Variants in KIAA1217 observed in about 807,000 individuals in gnomAD.
KIAA1217 encodes sickle tail protein homolog.
In KIAA1217, 88 loss-of-function variants were observed where a neutral mutation model predicts 163.9. The observed-to-expected ratio is 0.54, with a 90% CI of 0.45 to 0.64. The LOEUF is 0.64. Among genes scored for constraint, KIAA1217 ranks in the 30% least tolerant of loss-of-function variants. The pLI is 0.00. For missense variants in KIAA1217, 2,372 were observed against 2,475.0 expected (o/e 0.96, Z 0.88); for synonymous variants, 903 against 923.1 (o/e 0.98, Z 0.39).
chr10:24,455,097 A>G (rs1327114608), intron 5 of KIAA1217, among the ~76,000 whole-genome samples: 1 of 152,184 alleles, frequency 6.6e-6, no homozygotes, highest in South Asian at 2.1e-4. Flanking sequence ...AGACTGAAAT[A>G]TGTTGTTTTA....
rs868362178 is a variant in KIAA1217 at position 24,164,282 on chromosome 10, T to G, written c.-170-55344T>G. On this transcript the variant is annotated intron_variant, in intron 2 of 18. Coordinates refer to the KIAA1217 transcript ENST00000376462. ...GTACTTGCCCTGCCTGGGAATCACT[T>G]AGGTTCACTTCAAGGATCACATTTT... 3.9e-5 allele frequency among the ~76,000 whole-genome samples: 6 copies of G among 152,336 alleles called. No homozygotes were observed. The South Asian group carries it at 1.0e-3, about 26-fold the overall frequency.
intron 2 of KIAA1217, among the ~76,000 whole-genome samples, chr10:24,181,768 T>C (rs1379018935): frequency 6.6e-6 from 1 of 152,198 alleles, no homozygotes; most frequent in Non-Finnish European, 1.5e-5. Flanking sequence ...TAGTCATTAA[T>C]TCCTTTTTGG....
intron 2 of KIAA1217, among the ~76,000 whole-genome samples, chr10:24,220,676 G>A (rs546884669): frequency 3.3e-5 from 5 of 149,912 alleles, no homozygotes; most frequent in African/African-American, 1.2e-4. Context: ...GGATGGTCTC[G>A]ATCTCCTGAT....
intron 3 of KIAA1217, among the ~76,000 whole-genome samples, chr10:24,391,819 G>A (rs2055030633): frequency 6.6e-6 from 1 of 152,148 alleles, no homozygotes; most frequent in Non-Finnish European, 1.5e-5. Context: ...ATCAGTCTTG[G>A]CGTTAAGTTA....
intron 2 of KIAA1217, among the ~76,000 whole-genome samples, chr10:24,065,710 T>A (rs983065607): frequency 6.6e-6 from 1 of 152,188 alleles, no homozygotes; most frequent in Admixed American, 6.5e-5. Context: ...TAACTTTCTG[T>A]CTCATTGATC....
At position 24,225,040 on chromosome 10, in the gene KIAA1217, T is replaced by A. The variant is rs772708541; in HGVS notation, c.354+5131T>A. 3.3e-5 allele frequency among the ~76,000 whole-genome samples: 5 copies of A among 152,240 alleles called. No homozygotes were observed. In the South Asian group the frequency reaches 8.3e-4, roughly 25 times the overall value. ...ACGGGGTTCACTGTGTTAGCCAGGA[T>A]GGTCTCGATCTCCTGACATTGTGAT... is the stretch of plus-strand genomic sequence containing the variant. On this transcript the variant is annotated intron_variant, in intron 2 of 20. Transcript: ENST00000376454.
intron 1 of KIAA1217, among the ~76,000 whole-genome samples, chr10:23,982,336 AG>A (rs1336421055): frequency 6.6e-6 from 1 of 152,126 alleles, no homozygotes; most frequent in East Asian, 1.9e-4. Context: ...ACTCTAGTCT[AG>A]GGCTCTTCAC....
chr10:23,805,996 CAAAAAAAAAAAAA>C (rs71397917), intron 1 of KIAA1217, among the ~76,000 whole-genome samples: 3 of 30,512 alleles, frequency 9.8e-5, no homozygotes, highest in Non-Finnish European at 1.7e-4. Flanking sequence ...AACTCCATCT[CAAAAAAAAAAAAA>C]AAAAAAAAAA....
At chr10:24,235,774 G>A (rs564892959) in intron 2 of KIAA1217, among the ~76,000 whole-genome samples, 102 of 152,184 alleles carry the variant, frequency 6.7e-4, no homozygotes, top group Admixed American at 1.3e-3. Flanking sequence ...CTCCAGTACC[G>A]TCTGTTAACT....
chr10:24,040,430 A>G (rs893985201), intron 2 of KIAA1217, among the ~76,000 whole-genome samples: 9 of 152,248 alleles, frequency 5.9e-5, no homozygotes, highest in African/African-American at 2.2e-4. Flanking sequence ...GGAACTGAAG[A>G]CACCTGAAGA....
At chr10:23,823,687 A>C (rs1837732279) in intron 1 of KIAA1217, among the ~76,000 whole-genome samples, 1 of 151,740 alleles carries the variant, frequency 6.6e-6, no homozygotes. Flanking sequence ...AAAACATTAA[A>C]CCCCCCTACT....
intron 2 of KIAA1217, among the ~76,000 whole-genome samples, chr10:24,297,433 C>T (rs1180540986): frequency 1.3e-5 from 2 of 152,114 alleles, no homozygotes; most frequent in Non-Finnish European, 2.9e-5. Flanking sequence ...TTGCTCAGTC[C>T]CCATCTCAAT....
intron 20 of KIAA1217, 39 bp from the exon 21 acceptor site, chr10:24,545,788 C>G (rs995405506): frequency 6.5e-7 from 1 of 1,549,458 alleles, no homozygotes; most frequent in African/African-American, 1.4e-5. Context: ...CATGTGACCG[C>G]CTTTCTGACA....
chr10:24,438,289 G>A (rs1416275160), intron 4 of KIAA1217, 97 bp from the exon 5 acceptor site: 2 of 803,614 alleles, frequency 2.5e-6, no homozygotes, highest in Non-Finnish European at 4.3e-6. Flanking sequence ...TGGATTGTCT[G>A]TTCATGTTTT....
chr10:24,033,582 G>T (rs1055333054), intron 2 of KIAA1217, among the ~76,000 whole-genome samples: 3 of 152,120 alleles, frequency 2.0e-5, no homozygotes, highest in South Asian at 2.1e-4. Flanking sequence ...CCAAATAGTA[G>T]AGTGAGATAA....
intron 3 of KIAA1217, among the ~76,000 whole-genome samples, chr10:24,390,022 C>G (rs1488393177): frequency 6.6e-6 from 1 of 152,130 alleles, no homozygotes; most frequent in Non-Finnish European, 1.5e-5. Context: ...AAGGAAGCTT[C>G]CTCTTTACCA....
intron 2 of KIAA1217, among the ~76,000 whole-genome samples, chr10:24,321,941 T>G (rs1219638531): frequency 6.6e-6 from 1 of 151,702 alleles, no homozygotes; most frequent in African/African-American, 2.4e-5. Context: ...TTTACTGACA[T>G]TTTATTTTAT....
chr10:24,214,408 C>T (rs1294389146), intron 1 of KIAA1217, among the ~76,000 whole-genome samples: 13 of 152,208 alleles, frequency 8.5e-5, no homozygotes, highest in Admixed American at 3.3e-4. Context: ...GCATCCCCCA[C>T]GGCGTTGGAG....
At chr10:24,432,914 G>A (rs1392979064) in intron 3 of KIAA1217, 81 bp from the exon 4 acceptor site, 3 of 1,095,286 alleles carry the variant, frequency 2.7e-6, no homozygotes, top group African/African-American at 1.5e-5. Context: ...CCTAAGTGCA[G>A]CAGGAAAGAA....
Sources: allele counts gnomAD v4.1 joint callset (sites outside exome capture counted in the v4.1 genomes callset), GRCh38; gene constraint gnomAD v4.1.1; transcripts MANE v1.5; gene names NCBI Gene and HGNC (gene_info 2026-07-23, HGNC 2026-07-21).